Variants in BRPF3 observed in about 807,000 individuals in gnomAD.
The protein encoded by BRPF3 is bromodomain and PHD finger-containing protein 3.
In BRPF3, 18 loss-of-function variants were observed where a neutral mutation model predicts 102.0. The ratio of observed to expected loss-of-function variants is 0.18; its 90% CI spans 0.12 to 0.26. The LOEUF (loss-of-function observed/expected upper bound fraction) is 0.26. BRPF3 is among the 10% of genes least tolerant of loss of function. The pLI is 1.00. For missense variants in BRPF3, 1,147 were observed against 1,567.8 expected, an observed-to-expected ratio of 0.73 and a Z score of 4.53; for synonymous variants, 570 against 614.2, an observed-to-expected ratio of 0.93 and a Z score of 1.06.
In BRPF3 at chr6:36,225,436, C is replaced by T. The variant is rs536762616; in HGVS notation, c.3279+72C>T. 6.5e-6 allele frequency: 9 copies of T among 1,380,892 alleles called. No homozygotes were observed. In the South Asian group the frequency reaches 9.6e-5, roughly 15 times the overall value. The allele number at this position is 1,380,892 out of a possible 1,614,324, so 85.5% of individuals were successfully genotyped here. The stretch of plus-strand genomic sequence containing the variant: ...TGGGGGCTAATCTGATTGGATTAAG[C>T]CAGCAGAGTGTGGTGGGAGTCAGAG... On this transcript the variant is annotated intron_variant, in intron 11 of 12. Transcript: ENST00000357641.
At position 36,218,067 on chromosome 6, in the gene BRPF3, C is replaced by A. The variant is rs992864729; in HGVS notation, c.3083+57C>A. 8 of 1,453,760 alleles carry A rather than the reference C, an allele frequency of 5.5e-6. No individual in the cohort carries two copies. The African/African-American group carries it at 1.1e-4, about 21-fold the overall frequency. The allele number at this position is 1,453,760 out of a possible 1,614,324, so 90.1% of individuals were successfully genotyped here. On this transcript the variant is annotated intron_variant, in intron 9 of 12. Coordinates refer to ENST00000357641, the MANE Select transcript of BRPF3 (RefSeq NM_015695.3). ...GCTCTGCTACCCCTCCTTTTACTCT[C>A]CATTCAGCTACAGATTGAACCTCTT...
intron 10 of BRPF3, 68 bp downstream of exon 10, chr6:36,222,333 T>TG (rs1272450455): frequency 7.0e-7 from 1 of 1,436,230 alleles, no homozygotes; most frequent in African/African-American, 1.4e-5. Context: ...TTCAGGCTGC[T>TG]GCACTGCTGG....
At chr6:36,215,390 A>G (rs1768291859) in intron 8 of BRPF3, among the ~76,000 whole-genome samples, 2 of 152,206 alleles carry the variant, frequency 1.3e-5, no homozygotes, top group Admixed American at 1.3e-4. Context: ...GATTACAGGC[A>G]TGAGCCACCG....
rs899842134 is a variant in BRPF3 at position 36,214,175 on chromosome 6, C to T, written c.2778C>T (p.Arg926=). The T allele has an allele frequency of 6.2e-7, 1 of 1,614,162 alleles. No individual in the cohort carries two copies. Among genetic ancestry groups the T allele is most frequent in the Admixed American group, 1.7e-5 (1 of 60,022 alleles). ...AGTPLSGVGR[R]TSVLFKKAKN... is the part of the protein sequence containing the mutation. ...CCCCACTTAGTGGTGTGGGTCGCCGCACATCAGTCCTCTTCAAGAAGGCCA... is the reference window on the plus strand; with the variant it reads ...CCCCACTTAGTGGTGTGGGTCGCCGTACATCAGTCCTCTTCAAGAAGGCCA... Residue 926 remains arginine, a synonymous_variant, in exon 8 of 13, where the codon CGC becomes CGT. Transcript: ENST00000357641.
Position 36,230,379 on chromosome 6 carries a change from C to T in BRPF3, c.3435-47C>T. On this transcript the variant is annotated intron_variant, in intron 12 of 12. Transcript: ENST00000357641. The surrounding 1 kb of genome is among the most constrained non-coding windows in gnomAD (Gnocchi z 5.4). ...GTGGGGCCACAGGAGCCCGAGCCCC[C>T]TGTGAGACCCACTACTGCCCAGCCT... 1 of 1,594,062 alleles carries T rather than the reference C, an allele frequency of 6.3e-7. No individual in the cohort carries two copies. The highest frequency in any genetic ancestry group is 8.6e-7 in the Non-Finnish European group (1 of 1,166,124).
chr6:36,224,987 G>C (rs1161360952), intron 10 of BRPF3, among the ~76,000 whole-genome samples: 1 of 152,190 alleles, frequency 6.6e-6, no homozygotes, highest in African/African-American at 2.4e-5. Flanking sequence ...TGTGTGTGTG[G>C]CTGCTTTCAT....
Position 36,230,725 on chromosome 6 carries a change from G to C in BRPF3, c.*116G>C, listed in dbSNP as rs1263644945. On this transcript the variant is annotated 3_prime_UTR_variant, in exon 13 of 13. Transcript: ENST00000357641. The surrounding 1 kb of genome is among the most constrained non-coding windows in gnomAD (Gnocchi z 5.4). ...AGCTTCCCCCTCTCATGGTAGGCCA[G>C]GGACTGGGCTTTCTCCCCACTAAGG... 1.8e-5 allele frequency: 23 copies of C among 1,295,390 alleles called. No homozygotes were observed. The allele number at this position is 1,295,390 out of a possible 1,614,324, so 80.2% of individuals were successfully genotyped here.
In BRPF3 at chr6:36,201,554, A is replaced by T. The variant is rs752002255; in HGVS notation, c.1232A>T (p.Glu411Val). 5 of 1,614,040 alleles carry T rather than the reference A, an allele frequency of 3.1e-6. No individual in the cohort carries two copies. The Admixed American group carries it at 6.7e-5, about 22-fold the overall frequency. ...PRSISETGDEEGLKEGDGEEE... is the reference protein window; with the variant it reads ...PRSISETGDEVGLKEGDGEEE... ...AGCATCAGTGAGACTGGCGATGAGG[A>T]AGGGCTGAAGGAGGGTGATGGAGAG... Residue 411 changes from glutamate (E) to valine (V), a missense_variant, in exon 2 of 13, where the codon GAA becomes GTA. By Grantham distance (121) the Glu-to-Val change is moderately radical. Coordinates refer to ENST00000357641, the MANE Select transcript of BRPF3 (RefSeq NM_015695.3). The surrounding 1 kb of genome is among the most constrained non-coding windows in gnomAD (Gnocchi z 5.1).
At chr6:36,207,573 G>A in intron 4 of BRPF3, 129 bp downstream of exon 4, 2 of 1,280,238 alleles carry the variant, frequency 1.6e-6, no homozygotes, top group South Asian at 1.6e-5. Flanking sequence ...ACCCAGGATT[G>A]TAGGCTCCAA....
intron 10 of BRPF3, among the ~76,000 whole-genome samples, chr6:36,224,285 T>C (rs924773196): frequency 6.6e-6 from 1 of 152,222 alleles, no homozygotes; most frequent in Non-Finnish European, 1.5e-5. Flanking sequence ...AGATTTGGAC[T>C]TTTTTCCTTG....
At chr6:36,213,735 C>G in intron 7 of BRPF3, 145 bp from the exon 8 acceptor site, 1 of 840,242 alleles carries the variant, frequency 1.2e-6, no homozygotes, top group Non-Finnish European at 1.9e-6. Context: ...CCTCCTTTCT[C>G]TTTGCTTCAG....
In BRPF3 at chr6:36,214,223, A is replaced by G; in HGVS notation, c.2826A>G (p.Arg942=). Residue 942 remains arginine (R), a synonymous_variant, in exon 8 of 13, where the codon AGA becomes AGG. Transcript: ENST00000357641. ...CCAAGAATGGGGTTAAGCTACAGAG[A>G]AGCCCAGACAGGGTCCTGGAGAATG... ...KKAKNGVKLQ[R]SPDRVLENGE... 6.2e-7 allele frequency: 1 copy of G among 1,614,210 alleles called. No homozygotes were observed. Among genetic ancestry groups the G allele is most frequent in the Non-Finnish European group, 8.5e-7 (1 of 1,180,026 alleles).
rs1335139391 is a variant in BRPF3, at chr6:36,201,452, T to G, written c.1130T>G (p.Val377Gly). 1.2e-6 allele frequency: 2 copies of G among 1,614,046 alleles called. No homozygotes were observed. The highest frequency in any genetic ancestry group is 1.7e-6 in the Non-Finnish European group (2 of 1,180,014). ...ETSLNGTIFT[V>G]RKTAYCEAHS... The stretch of plus-strand genomic sequence containing the variant: ...AGCCTCAATGGCACCATCTTTACAG[T>G]GCGCAAGACTGCCTACTGTGAGGCC... Residue 377 changes from valine (V) to glycine (G), a missense_variant, in exon 2 of 13, where the codon GTG (valine) becomes GGG (glycine). Val to Gly is a moderately radical substitution (Grantham distance 109). Around this residue, in one of 11 missense-constraint regions of BRPF3, gnomAD observed 157 missense variants for 163.6 expected, o/e 0.96. Coordinates refer to ENST00000357641, the MANE Select transcript of BRPF3 (RefSeq NM_015695.3). This position sits in a 1 kb window ranked among gnomAD's most constrained non-coding sequence, Gnocchi z 5.1.
chr6:36,215,580 A>G (rs567070226), intron 8 of BRPF3, among the ~76,000 whole-genome samples: 66 of 152,364 alleles, frequency 4.3e-4, no homozygotes, highest in African/African-American at 1.6e-3. Flanking sequence ...GTTATTTGTC[A>G]GGTGAGAGGT....
At chr6:36,197,675 T>G in intron 1 of BRPF3, 1 of 151,246 alleles carries the variant, frequency 6.6e-6, no homozygotes. Flanking sequence ...GGGCGGGGGT[T>G]GTTGGAGATA....
chr6:36,218,552 T>C (rs1768416163), intron 9 of BRPF3, among the ~76,000 whole-genome samples: 1 of 150,644 alleles, frequency 6.6e-6, no homozygotes, highest in African/African-American at 2.4e-5. Flanking sequence ...CTCCGCCTCC[T>C]GGGTTCAAGT....
At chr6:36,218,627 T>C (rs1768419642) in intron 9 of BRPF3, among the ~76,000 whole-genome samples, 2 of 152,084 alleles carry the variant, frequency 1.3e-5, no homozygotes, top group South Asian at 4.1e-4. Flanking sequence ...GCCTAGCTAA[T>C]TTTTGTATTT....
chr6:36,197,445 A>C (rs1382161218), intron 1 of BRPF3: 1 of 152,056 alleles, frequency 6.6e-6, no homozygotes, highest in African/African-American at 2.4e-5. Flanking sequence ...CCCTCTGAGG[A>C]GATGTTATTT....
At position 36,230,399 on chromosome 6, in the gene BRPF3, C is replaced by T. The variant is rs1056815480; in HGVS notation, c.3435-27C>T. 1.2e-6 allele frequency: 2 copies of T among 1,610,642 alleles called. No individual in the cohort carries two copies. The highest frequency in any genetic ancestry group is 3.3e-5 in the Admixed American group (2 of 59,856). On this transcript the variant is annotated intron_variant, in intron 12 of 12. Coordinates refer to ENST00000357641, the MANE Select transcript of BRPF3 (RefSeq NM_015695.3). The surrounding 1 kb of genome is among the most constrained non-coding windows in gnomAD (Gnocchi z 5.4). ...GCCCCCTGTGAGACCCACTACTGCC[C>T]AGCCTCTTACTGTGCTTGCATTTCA... is the stretch of plus-strand genomic sequence containing the variant.
Sources: gnomAD v4.1 joint callset for allele counts (sites outside exome capture counted in the v4.1 genomes callset) on GRCh38, gnomAD v4.1.1 for gene constraint, gnomAD v4.1.1 regional missense constraint, Gnocchi (gnomAD v3.1) non-coding constraint, MANE v1.5 for transcripts, NCBI Gene and HGNC (gene_info 2026-07-23, HGNC 2026-07-21) for gene names.